ANKRD18A: variants seen among roughly 807,000 people sequenced by gnomAD.
ANKRD18A encodes the protein ankyrin repeat domain 18A, also known as ankyrin repeat domain-containing protein 18A.
Under a neutral mutation model 110.6 loss-of-function variants are expected in ANKRD18A, and 72 were observed. That is an observed-to-expected ratio of 0.65 (90% CI 0.54 to 0.79). The LOEUF (loss-of-function observed/expected upper bound fraction) is 0.79. ANKRD18A is among the 30% of genes least tolerant of loss of function. ANKRD18A has a pLI of 0.00. For missense variants in ANKRD18A, 934 were observed against 1,163.3 expected (o/e 0.80, Z 2.87); for synonymous variants, 305 against 410.3 (o/e 0.74, Z 3.10).
chr9:38,602,388 C>T (rs1221364203), intron 7 of ANKRD18A, among the ~76,000 whole-genome samples: 4 of 152,000 alleles, frequency 2.6e-5, no homozygotes, highest in Admixed American at 2.0e-4. Context: ...TAGCACATGC[C>T]AGGCAGCGGC....
At position 38,620,381 on chromosome 9, in the gene ANKRD18A, C is replaced by T; in HGVS notation, c.-96G>A. The T allele has an allele frequency of 1.5e-6, 1 of 684,380 alleles. No homozygotes were observed. Among genetic ancestry groups the T allele is most frequent in the African/African-American group, 2.0e-5 (1 of 49,490 alleles). The allele number at this position is 684,380 out of a possible 1,614,324, so 42.4% of individuals were successfully genotyped here. A position where few individuals can be genotyped will look rare whatever the true frequency, so the allele number is the denominator to read the frequency against. ...ACTCCGCCCCAAATCCGCGATCTCC[C>T]CCGCAACCCGCGATCCCCCCCGCAA... On this transcript the variant is annotated 5_prime_UTR_variant, in exon 1 of 16. Coordinates refer to ENST00000399703, the MANE Select transcript of ANKRD18A (RefSeq NM_147195.4).
At chr9:38,566,579 T>G (rs914080665), downstream of ANKRD18A, 1 of 152,194 alleles carries the variant, frequency 6.6e-6, no homozygotes, top group Non-Finnish European at 1.5e-5. Context: ...GTTCCAAAGC[T>G]GCTTCCACAT....
chr9:38,590,431 T>C (rs1446989480), intron 10 of ANKRD18A, among the ~76,000 whole-genome samples: 1 of 152,038 alleles, frequency 6.6e-6, no homozygotes, highest in Non-Finnish European at 1.5e-5. Context: ...TTTGTATTTT[T>C]AGTAGAGACA....
intron 15 of ANKRD18A, chr9:38,572,840 G>T: frequency 4.5e-6 from 1 of 221,754 alleles, no homozygotes; most frequent in Non-Finnish European, 8.9e-6. Flanking sequence ...TGTAGAGCTG[G>T]TAAAAAAGAG....
At chr9:38,588,845 A>G (rs1824506026) in intron 10 of ANKRD18A, among the ~76,000 whole-genome samples, 182 bp from the exon 11 acceptor site, 1 of 152,230 alleles carries the variant, frequency 6.6e-6, no homozygotes, top group Non-Finnish European at 1.5e-5. Context: ...ACAGCTAAAA[A>G]AGATTCACAC....
downstream of ANKRD18A, chr9:38,568,241 A>G (rs967035344): frequency 6.6e-6 from 1 of 152,328 alleles, no homozygotes; most frequent in African/African-American, 2.4e-5. Context: ...AGGAGCCCTC[A>G]TGCATGGACT....
chr9:38,592,373 A>T (rs1824688648), intron 10 of ANKRD18A, among the ~76,000 whole-genome samples: 1 of 152,230 alleles, frequency 6.6e-6, no homozygotes, highest in Non-Finnish European at 1.5e-5. Flanking sequence ...AAGCCATGTC[A>T]AATTAAGGGC....
Position 38,620,324 on chromosome 9 carries a change from C to A in ANKRD18A, c.-39G>T, listed in dbSNP as rs1216077212. 5.9e-6 allele frequency: 9 copies of A among 1,532,578 alleles called. No individual in the cohort carries two copies. Among genetic ancestry groups the A allele is most frequent in the Non-Finnish European group, 7.9e-6 (9 of 1,136,262 alleles). 94.9% of individuals were successfully genotyped at this position (1,532,578 alleles called of 1,614,324 possible). On this transcript the variant is annotated 5_prime_UTR_variant, in exon 1 of 16. Transcript: ENST00000399703. ...CAGACGCCCACCACCCGCTCCTGAG[C>A]CGCGGCGGCTCCTCGTGGCCTTTCC... is the stretch of plus-strand genomic sequence containing the variant.
intron 5 of ANKRD18A, among the ~76,000 whole-genome samples, chr9:38,608,325 C>G (rs1449103200): frequency 6.6e-6 from 1 of 151,968 alleles, no homozygotes; most frequent in Non-Finnish European, 1.5e-5. Flanking sequence ...TCTTCTTGGT[C>G]CTCTCCAACT....
downstream of ANKRD18A, among the ~76,000 whole-genome samples, chr9:38,569,948 ATCT>A (rs1185236594): frequency 1.3e-5 from 2 of 152,134 alleles, no homozygotes; most frequent in East Asian, 3.9e-4. Flanking sequence ...AATTCAACAC[ATCT>A]TCTCACGTTC....
rs575345779 is a variant in ANKRD18A at position 38,596,304 on chromosome 9, T to C, written c.1036A>G (p.Asn346Asp). The change falls in exon 9 of 16, where the codon AAT becomes GAT. Residue 346 changes from asparagine to aspartate, a missense_variant. By Grantham distance (23) the Asn-to-Asp change is conservative (BLOSUM62 1). Transcript: ENST00000399703. ...MLKEELYAIKNDSLRKEKKYI... is the reference protein window; with the variant it reads ...MLKEELYAIKDDSLRKEKKYI... ...TTCTTTTCCTTTCTGAGACTGTCATTTTTTATTGCATATAATTCCTCTTTG... is the reference window on the plus strand; with the variant it reads ...TTCTTTTCCTTTCTGAGACTGTCATCTTTTATTGCATATAATTCCTCTTTG... The C allele has an allele frequency of 2.3e-4, 355 of 1,535,238 alleles. No individual in the cohort carries two copies. Among genetic ancestry groups the C allele is most frequent in the East Asian group, 1.3e-3 (53 of 40,808 alleles).
Position 38,596,399 on chromosome 9 carries a change from G to A in ANKRD18A, c.941C>T (p.Ser314Phe). The change falls in exon 9 of 16, where the codon TCT becomes TTT. Residue 314 changes from serine to phenylalanine, a missense_variant. Physicochemically the swap from Ser to Phe is radical, Grantham distance 155. Around this residue, in one of 4 missense-constraint regions of ANKRD18A, gnomAD observed 630 missense variants for 797.5 expected, o/e 0.79. Transcript: ENST00000399703. ...ATCCTTCTTTTTTCCGTAACTTTGA[G>A]AATCCTAAATAAAACAAAACAAATT... ...QRSENKQPQD[S>F]QSYGKKKDAM... The A allele has an allele frequency of 6.9e-7, 1 of 1,442,222 alleles. No individual in the cohort carries two copies. Among genetic ancestry groups the A allele is most frequent in the Non-Finnish European group, 9.1e-7 (1 of 1,098,038 alleles). The allele number at this position is 1,442,222 out of a possible 1,614,324, so 89.3% of individuals were successfully genotyped here.
chr9:38,571,531 G>A lies in ANKRD18A; in HGVS notation c.*514C>T. Reference sequence around the variant, plus strand: ...AACCAGATATTTACAGAGCTTCAAAGTATCTCCACACAAAATACTATTGAG... The same window carrying A: ...AACCAGATATTTACAGAGCTTCAAAATATCTCCACACAAAATACTATTGAG... On this transcript the variant is annotated 3_prime_UTR_variant, in exon 16 of 16. Transcript: ENST00000399703. 2.2e-6 allele frequency: 2 copies of A among 925,192 alleles called. No homozygotes were observed. The highest frequency in any genetic ancestry group is 2.6e-6 in the Non-Finnish European group (2 of 763,276). The allele number at this position is 925,192 out of a possible 1,614,324, so 57.3% of individuals were successfully genotyped here. A position where few individuals can be genotyped will look rare whatever the true frequency, so the allele number is the denominator to read the frequency against.
intron 12 of ANKRD18A, among the ~76,000 whole-genome samples, chr9:38,584,852 A>G (rs1186296245): frequency 6.6e-6 from 1 of 152,144 alleles, no homozygotes; most frequent in Non-Finnish European, 1.5e-5. Context: ...TGGGAATCAC[A>G]CCCTTCAAAC....
At chr9:38,592,502 A>C (rs1412942445) in intron 10 of ANKRD18A, among the ~76,000 whole-genome samples, 1 of 152,228 alleles carries the variant, frequency 6.6e-6, no homozygotes, top group African/African-American at 2.4e-5. Flanking sequence ...AGGCTAGATG[A>C]GCAGGAACTG....
intron 5 of ANKRD18A, among the ~76,000 whole-genome samples, chr9:38,608,485 C>T (rs1825454474): frequency 6.7e-6 from 1 of 149,724 alleles, no homozygotes; most frequent in Admixed American, 6.7e-5. Flanking sequence ...GATCACCTTA[C>T]ATGAATACTT....
intron 1 of ANKRD18A, among the ~76,000 whole-genome samples, chr9:38,619,771 C>T (rs1421870012): frequency 1.3e-5 from 2 of 152,198 alleles, no homozygotes; most frequent in East Asian, 3.8e-4. Context: ...GAGAACTCTT[C>T]GCCTACTGAA....
chr9:38,569,073 A>G, downstream of ANKRD18A: 1 of 985,296 alleles, frequency 1.0e-6, no homozygotes, highest in Non-Finnish European at 1.2e-6. Flanking sequence ...GGCTTCTTCC[A>G]TGTTGGGCTG....
At chr9:38,600,743 C>T (rs1350296788) in intron 8 of ANKRD18A, among the ~76,000 whole-genome samples, 3 of 152,116 alleles carry the variant, frequency 2.0e-5, no homozygotes, top group Non-Finnish European at 2.9e-5. Flanking sequence ...TTTGAACCAC[C>T]GGGAATGATG....
Sources: gnomAD v4.1 joint callset for allele counts (sites outside exome capture counted in the v4.1 genomes callset) on GRCh38, gnomAD v4.1.1 for gene constraint, gnomAD v4.1.1 regional missense constraint, MANE v1.5 for transcripts, NCBI Gene and HGNC (gene_info 2026-07-23, HGNC 2026-07-21) for gene names.